Variants in CYP2R1 observed in about 807,000 individuals in gnomAD.
CYP2R1 encodes the protein vitamin D 25-hydroxylase.
In CYP2R1, 40 loss-of-function variants were observed where a neutral mutation model predicts 45.7. The observed-to-expected ratio is 0.87, with a 90% CI of 0.68 to 1.14. CYP2R1 has a LOEUF of 1.14. CYP2R1 is among the 50% of genes most tolerant of loss of function. The pLI is 0.00. For missense variants in CYP2R1, 605 were observed against 602.6 expected (o/e 1.00, Z -0.04); for synonymous variants, 234 against 219.3 (o/e 1.07, Z -0.59).
intron 1 of CYP2R1, chr11:14,890,929 G>A: frequency 3.0e-6 from 3 of 985,414 alleles, no homozygotes; most frequent in Non-Finnish European, 3.6e-6. Flanking sequence ...AAACATCCCT[G>A]TACTTTTCCT....
intron 1 of CYP2R1, chr11:14,890,540 T>A: frequency 2.9e-6 from 1 of 350,344 alleles, no homozygotes; most frequent in Non-Finnish European, 3.7e-6. Flanking sequence ...ACCAATTCTT[T>A]TTTTTTTTTT....
At chr11:14,890,282 T>C (rs897499634) in intron 1 of CYP2R1, 25 of 194,350 alleles carry the variant, frequency 1.3e-4, no homozygotes, top group Admixed American at 2.0e-4. Flanking sequence ...ACCTCTAGTC[T>C]TATGCTTTCA....
At chr11:14,889,895 G>A (rs1473193623) in intron 1 of CYP2R1, among the ~76,000 whole-genome samples, 1 of 152,220 alleles carries the variant, frequency 6.6e-6, no homozygotes, top group Admixed American at 6.5e-5. Context: ...TTGGGAGGCC[G>A]AGGCGGGCAG....
In CYP2R1 at chr11:14,880,387, G is replaced by T; in HGVS notation, c.749C>A (p.Ala250Glu). The change falls in exon 3 of 5, where the codon GCA becomes GAA. Residue 250 changes from alanine to glutamate, a missense_variant. By Grantham distance (107) the Ala-to-Glu change is moderately radical. Coordinates refer to ENST00000334636, the MANE Select transcript of CYP2R1 (RefSeq NM_024514.5). ...GGAGAGAAAATCATAGACTACAGCT[G>T]CATTTCTAAACAGCTGTTGATGTTT... ...FGKHQQLFRN[A>E]AVVYDFLSRL... 1 of 1,613,430 alleles carries T rather than the reference G, an allele frequency of 6.2e-7. No homozygotes were observed. Among genetic ancestry groups the T allele is most frequent in the Non-Finnish European group, 8.5e-7 (1 of 1,179,656 alleles).
chr11:14,892,264 G>C (rs1848893879), upstream of CYP2R1: 2 of 1,507,038 alleles, frequency 1.3e-6, no homozygotes, highest in Non-Finnish European at 9.0e-7. Context: ...ACTCCCTCCA[G>C]CCCTGCCATA....
At chr11:14,887,019 A>G (rs1848646642) in intron 1 of CYP2R1, 1 of 152,298 alleles carries the variant, frequency 6.6e-6, no homozygotes, top group African/African-American at 2.4e-5. Flanking sequence ...ACTGCCTGCC[A>G]TAAGCAGTGG....
Position 14,879,337 on chromosome 11 carries a change from TA to T in CYP2R1, c.1106del (p.Leu369Ter). On this transcript the variant is annotated frameshift_variant, in exon 4 of 5. Transcript: ENST00000334636. LOFTEE classifies it high-confidence loss of function. ...CTAATGGAACTATATTACAGAATCT[TA>T]AAACTTCATGCAAAACTGCCTCAGT... ...PYTEAVLHEV[L>X]RFCNIVPLGI... is the part of the protein sequence containing the mutation. The T allele has an allele frequency of 1.2e-6, 2 of 1,612,830 alleles. No homozygotes were observed. Among genetic ancestry groups the T allele is most frequent in the Non-Finnish European group, 1.7e-6 (2 of 1,179,510 alleles).
At chr11:14,888,327 A>G (rs1848696816) in intron 1 of CYP2R1, among the ~76,000 whole-genome samples, 1 of 152,254 alleles carries the variant, frequency 6.6e-6, no homozygotes, top group Admixed American at 6.5e-5. Context: ...GCATATGACA[A>G]TAGAAATATA....
At chr11:14,891,865 C>T in intron 1 of CYP2R1, 116 bp downstream of exon 1, 1 of 1,412,700 alleles carries the variant, frequency 7.1e-7, no homozygotes, top group South Asian at 1.5e-5. Flanking sequence ...GCAGCCGGCA[C>T]ACGGAGAGGT....
At position 14,880,337 on chromosome 11, in the gene CYP2R1, T is replaced by C; in HGVS notation, c.799A>G (p.Asn267Asp). The C allele has an allele frequency of 6.2e-7, 1 of 1,613,314 alleles. No individual in the cohort carries two copies. The highest frequency in any genetic ancestry group is 8.5e-7 in the Non-Finnish European group (1 of 1,179,570). ...LSRLIEKASV[N>D]RKPQLPQHFV... ...TGCTGAGGTAGCTGAGGCTTTCTGTTGACTGAAGCTTTTTCAATGAGTCTG... is the reference window on the plus strand; with the variant it reads ...TGCTGAGGTAGCTGAGGCTTTCTGTCGACTGAAGCTTTTTCAATGAGTCTG... The change falls in exon 3 of 5, where the codon AAC (asparagine) becomes GAC (aspartate). Residue 267 changes from asparagine (N) to aspartate (D), a missense_variant. Physicochemically the swap from Asn to Asp is conservative, Grantham distance 23. Transcript: ENST00000334636.
intron 1 of CYP2R1, chr11:14,891,223 TGAG>T (rs1189519128): frequency 2.0e-6 from 2 of 985,128 alleles, no homozygotes; most frequent in Non-Finnish European, 2.4e-6. Flanking sequence ...CTCCGCAGAA[TGAG>T]GAGGAGCGAA....
intron 1 of CYP2R1, chr11:14,890,456 T>C: frequency 4.1e-6 from 4 of 982,524 alleles, no homozygotes; most frequent in Non-Finnish European, 4.8e-6. Context: ...CCAGCTTCCC[T>C]TTAACAACGT....
intron 1 of CYP2R1, among the ~76,000 whole-genome samples, chr11:14,887,979 T>G (rs1420243797): frequency 6.6e-6 from 1 of 152,208 alleles, no homozygotes; most frequent in Non-Finnish European, 1.5e-5. Context: ...AACGTGGCAT[T>G]CTCTTGCTTT....
At chr11:14,890,753 T>A (rs1848817461) in intron 1 of CYP2R1, 1 of 559,556 alleles carries the variant, frequency 1.8e-6, no homozygotes, top group Non-Finnish European at 2.3e-6. Context: ...TTTCACCGTG[T>A]TAGCCACGAC....
intron 1 of CYP2R1, 51 bp from the exon 2 acceptor site, chr11:14,885,968 A>C (rs1555014446): frequency 6.4e-7 from 1 of 1,574,112 alleles, no homozygotes; most frequent in East Asian, 2.2e-5. Flanking sequence ...GTATGGAGAA[A>C]TATAACCATG....
intron 2 of CYP2R1, among the ~76,000 whole-genome samples, chr11:14,884,588 G>A (rs1206685914): frequency 2.0e-5 from 3 of 150,270 alleles, no homozygotes; most frequent in African/African-American, 4.9e-5. Context: ...GCTAAATGAC[G>A]AGTTAATGGG....
At position 14,878,102 on chromosome 11, in the gene CYP2R1, C is replaced by G. The variant is rs374603644; in HGVS notation, c.*20G>C. On this transcript the variant is annotated 3_prime_UTR_variant, in exon 5 of 5. Coordinates refer to ENST00000334636, the MANE Select transcript of CYP2R1 (RefSeq NM_024514.5). ...TAAGGCAAATATACATTCTTGTTCC[C>G]GAAAACATCCCAGGCAGTTTCAGCG... 23 of 1,612,380 alleles carry G rather than the reference C, an allele frequency of 1.4e-5. No homozygotes were observed. The highest frequency in any genetic ancestry group is 2.0e-5 in the Non-Finnish European group (23 of 1,179,030).
intron 1 of CYP2R1, chr11:14,887,620 T>C (rs909423579): frequency 2.9e-5 from 29 of 985,240 alleles, no homozygotes; most frequent in Non-Finnish European, 3.5e-5. Context: ...ACACAAAACA[T>C]TTTCCTTGCC....
chr11:14,888,404 T>C (rs1431829456), intron 1 of CYP2R1, among the ~76,000 whole-genome samples: 1 of 152,194 alleles, frequency 6.6e-6, no homozygotes, highest in African/African-American at 2.4e-5. Flanking sequence ...ATGGGCTAAA[T>C]GCTAATAACA....
Sources: gnomAD v4.1 joint callset for allele counts (sites outside exome capture counted in the v4.1 genomes callset) on GRCh38, gnomAD v4.1.1 for gene constraint, MANE v1.5 for transcripts, NCBI Gene and HGNC (gene_info 2026-07-23, HGNC 2026-07-21) for gene names.